LYPD6: variants seen among roughly 807,000 people sequenced by gnomAD.
The protein encoded by LYPD6 is LY6/PLAUR domain containing 6, also known as ly6/PLAUR domain-containing protein 6.
In LYPD6, 15 loss-of-function variants were observed where a neutral mutation model predicts 22.7. That is an observed-to-expected ratio of 0.66 (90% confidence interval 0.44 to 1.02). LYPD6 has a LOEUF of 1.02. Ranked by LOEUF, LYPD6 falls within the 50% of genes least tolerant of loss-of-function variation. The pLI, the probability that LYPD6 is intolerant of heterozygous loss-of-function variation, is 0.00. For missense variants in LYPD6, 189 were observed against 208.4 expected (o/e 0.91, Z 0.57); for synonymous variants, 72 against 77.5 (o/e 0.93, Z 0.37).
Position 149,333,603 on chromosome 2 carries a change from A to G in LYPD6, c.-72+2881A>G, listed in dbSNP as rs112148143. 9.8e-3 allele frequency among the ~76,000 whole-genome samples: 1,487 copies of G among 152,318 alleles called. 29 individuals are homozygous for G. The highest frequency in any genetic ancestry group is 0.034 in the African/African-American group (1,405 of 41,552). On this transcript the variant is annotated intron_variant, in intron 1 of 4. Coordinates refer to ENST00000334166, the MANE Select transcript of LYPD6 (RefSeq NM_194317.5). The stretch of plus-strand genomic sequence containing the variant: ...AGTTTTTAAAATTTATTCATGCAGC[A>G]AATATTCAGCAATTGCCTATTAGGT...
intron 1 of LYPD6, among the ~76,000 whole-genome samples, chr2:149,419,948 G>A (rs956214672): frequency 6.6e-6 from 1 of 152,132 alleles, no homozygotes; most frequent in African/African-American, 2.4e-5. Context: ...GTTATTCTAC[G>A]TTACAGAGTG....
chr2:149,453,313 G>A (rs1020549067), intron 3 of LYPD6, among the ~76,000 whole-genome samples: 28 of 152,270 alleles, frequency 1.8e-4, no homozygotes, highest in Admixed American at 8.5e-4. Flanking sequence ...AAAGATCCTA[G>A]AGAGAGGGAC....
At chr2:149,346,614 G>A (rs1228100115) in intron 1 of LYPD6, among the ~76,000 whole-genome samples, 1 of 152,138 alleles carries the variant, frequency 6.6e-6, no homozygotes, top group Non-Finnish European at 1.5e-5. Context: ...TGTTTTATAG[G>A]TAACACTCTA....
At chr2:149,460,631 C>T (rs113144557) in intron 3 of LYPD6, among the ~76,000 whole-genome samples, 51 of 152,212 alleles carry the variant, frequency 3.4e-4, no homozygotes, top group African/African-American at 1.2e-3. Context: ...CATTAACCAA[C>T]AGAATCTAAT....
chr2:149,392,439 G>C (rs1682332415), intron 1 of LYPD6, among the ~76,000 whole-genome samples: 2 of 152,142 alleles, frequency 1.3e-5, no homozygotes, highest in African/African-American at 2.4e-5. Flanking sequence ...TGGTTTGTTT[G>C]GACTGCAAGT....
At chr2:149,416,661 T>G (rs540890519) in intron 1 of LYPD6, among the ~76,000 whole-genome samples, 9 of 152,140 alleles carry the variant, frequency 5.9e-5, no homozygotes, top group Non-Finnish European at 1.3e-4. Flanking sequence ...TAGAATCCCC[T>G]GGTGAGTTAT....
chr2:149,363,305 T>C (rs1283199865), intron 1 of LYPD6, among the ~76,000 whole-genome samples: 2 of 152,192 alleles, frequency 1.3e-5, no homozygotes, highest in Non-Finnish European at 2.9e-5. Flanking sequence ...GTGGTCAACA[T>C]TTATACTTGA....
At chr2:149,427,404 A>C (rs980681479) in intron 1 of LYPD6, among the ~76,000 whole-genome samples, 3 of 152,186 alleles carry the variant, frequency 2.0e-5, no homozygotes, top group African/African-American at 7.2e-5. Context: ...CCCTCCCAAT[A>C]AATAAAAAAT....
downstream of LYPD6, among the ~76,000 whole-genome samples, chr2:149,477,349 G>A (rs570721297): frequency 7.2e-5 from 11 of 152,194 alleles, no homozygotes; most frequent in East Asian, 1.4e-3. Flanking sequence ...TCAGCCGGGC[G>A]TGGTGGCTCA....
At chr2:149,447,803 T>G (rs1683720642) in intron 2 of LYPD6, among the ~76,000 whole-genome samples, 1 of 152,238 alleles carries the variant, frequency 6.6e-6, no homozygotes, top group Admixed American at 6.5e-5. Context: ...AATTAAAATT[T>G]TTATTGAGAT....
intron 1 of LYPD6, among the ~76,000 whole-genome samples, chr2:149,420,978 C>T (rs867502391): frequency 7.9e-5 from 12 of 152,118 alleles, no homozygotes; most frequent in African/African-American, 2.7e-4. Context: ...GTGTCAAGGT[C>T]GCATCCCATA....
At chr2:149,421,722 C>T (rs922812139) in intron 1 of LYPD6, among the ~76,000 whole-genome samples, 1 of 151,930 alleles carries the variant, frequency 6.6e-6, no homozygotes, top group African/African-American at 2.4e-5. Context: ...AGTTTTAAAG[C>T]CATATATGGA....
chr2:149,369,168 G>C (rs968151887), intron 1 of LYPD6, among the ~76,000 whole-genome samples: 15 of 151,888 alleles, frequency 9.9e-5, no homozygotes, highest in Admixed American at 2.6e-4. Flanking sequence ...GAAATGAGTG[G>C]TATGATAATC....
intron 3 of LYPD6, chr2:149,464,301 T>C: frequency 3.1e-6 from 1 of 320,986 alleles, no homozygotes; most frequent in East Asian, 1.1e-4. Flanking sequence ...TTTATCACAT[T>C]TGGATTGAGC....
intron 3 of LYPD6, among the ~76,000 whole-genome samples, chr2:149,463,878 G>T (rs988393374): frequency 3.2e-4 from 49 of 152,182 alleles, no homozygotes; most frequent in Middle Eastern, 3.4e-3. Context: ...AGGGGTGGGG[G>T]CAGGAGGGAA....
chr2:149,361,667 G>T (rs1380511387), intron 1 of LYPD6, among the ~76,000 whole-genome samples: 1 of 152,174 alleles, frequency 6.6e-6, no homozygotes, highest in African/African-American at 2.4e-5. Flanking sequence ...TTATTCAATA[G>T]TTTATGAAGT....
chr2:149,442,654 A>C (rs1343064871), intron 2 of LYPD6, among the ~76,000 whole-genome samples: 1 of 152,144 alleles, frequency 6.6e-6, no homozygotes, highest in African/African-American at 2.4e-5. Context: ...TAAAAAAAAA[A>C]AAAAAACCTC....
intron 1 of LYPD6, among the ~76,000 whole-genome samples, chr2:149,376,894 A>T (rs895597213): frequency 1.3e-5 from 2 of 152,230 alleles, no homozygotes; most frequent in Admixed American, 6.5e-5. Flanking sequence ...TTAAATATGG[A>T]GCAATCCAAA....
chr2:149,366,916 T>C (rs1681682912), intron 1 of LYPD6, among the ~76,000 whole-genome samples: 1 of 152,230 alleles, frequency 6.6e-6, no homozygotes, highest in Admixed American at 6.5e-5. Context: ...GTGATTCTTT[T>C]AGCCTTAGCT....
Sources: allele counts gnomAD v4.1 joint callset (sites outside exome capture counted in the v4.1 genomes callset), GRCh38; gene constraint gnomAD v4.1.1; transcripts MANE v1.5; gene names NCBI Gene and HGNC (gene_info 2026-07-23, HGNC 2026-07-21).